The following RXRA variants were observed in gnomAD, a reference collection of about 807,000 sequenced individuals.
RXRA encodes retinoid X receptor alpha.
In RXRA, 5 loss-of-function variants were observed where a neutral mutation model predicts 44.5. The observed-to-expected ratio is 0.11, with a 90% CI of 0.06 to 0.24. RXRA has a LOEUF of 0.24. Among genes scored for constraint, RXRA ranks in the 10% least tolerant of loss-of-function variants. The probability of loss-of-function intolerance (pLI) is 1.00; values close to 1 mark genes in which losing one functional copy is unlikely to be tolerated. For missense variants in RXRA, 412 were observed against 646.5 expected (o/e 0.64, Z 3.93); for synonymous variants, 291 against 271.4 (o/e 1.07, Z -0.71).
At chr9:134,347,328 C>A (rs1830164956) in intron 1 of RXRA, among the ~76,000 whole-genome samples, 1 of 152,210 alleles carries the variant, frequency 6.6e-6, no homozygotes, top group African/African-American at 2.4e-5. Context: ...GATGACGCGC[C>A]CTGCCGCGGT....
intron 1 of RXRA, among the ~76,000 whole-genome samples, chr9:134,338,101 GC>G (rs1830034530): frequency 6.6e-6 from 1 of 152,196 alleles, no homozygotes; most frequent in Admixed American, 6.5e-5. Context: ...CTCAGGAAGG[GC>G]ATGGAGGGAA....
At chr9:134,396,102 AAGGGG>A (rs1220830239) in intron 1 of RXRA, among the ~76,000 whole-genome samples, 13 of 152,288 alleles carry the variant, frequency 8.5e-5, no homozygotes, top group Admixed American at 1.3e-4. Context: ...CATTTTACAG[AAGGGG>A]AGACTGAGGC....
intron 6 of RXRA, chr9:134,422,239 G>A: frequency 2.4e-6 from 3 of 1,260,072 alleles, no homozygotes; most frequent in Non-Finnish European, 3.1e-6. Context: ...CCCCACTCCT[G>A]GGATGCTCCC....
At chr9:134,399,155 C>T (rs188555825) in intron 1 of RXRA, among the ~76,000 whole-genome samples, 1 of 152,358 alleles carries the variant, frequency 6.6e-6, no homozygotes, top group Admixed American at 6.5e-5. Flanking sequence ...GCTCAGGTTT[C>T]CTCCGGCAGG....
chr9:134,386,315 A>G (rs1830719631), intron 1 of RXRA, among the ~76,000 whole-genome samples: 1 of 152,210 alleles, frequency 6.6e-6, no homozygotes, highest in Non-Finnish European at 1.5e-5. Context: ...TGCCCTCGCC[A>G]TGAGGCTGCA....
intron 1 of RXRA, among the ~76,000 whole-genome samples, chr9:134,391,520 C>A (rs1401688071): frequency 2.0e-5 from 3 of 152,234 alleles, no homozygotes; most frequent in Non-Finnish European, 4.4e-5. Flanking sequence ...GTGGGGCAGG[C>A]GGGGTTTCTC....
At chr9:134,383,884 G>A (rs1438478238) in intron 1 of RXRA, among the ~76,000 whole-genome samples, 1 of 152,144 alleles carries the variant, frequency 6.6e-6, no homozygotes, top group Non-Finnish European at 1.5e-5. Context: ...TTCAGAGGAG[G>A]GAACAAGGGA....
chr9:134,333,368 C>G (rs2119012661), intron 1 of RXRA, among the ~76,000 whole-genome samples: 1 of 152,278 alleles, frequency 6.6e-6, no homozygotes, highest in East Asian at 1.9e-4. Flanking sequence ...TGCCTGGCCT[C>G]CCCGCACCTC....
At chr9:134,408,337 G>A in intron 3 of RXRA, 38 bp downstream of exon 3, 1 of 1,570,678 alleles carries the variant, frequency 6.4e-7, no homozygotes, top group African/African-American at 1.4e-5. Context: ...GGTGGGACAG[G>A]GTTGTCAGGC....
At position 134,365,005 on chromosome 9, in the gene RXRA, G is replaced by A. The variant is rs1395166993; in HGVS notation, c.29-36627G>A. ...TACTTATGAGGAGGCTGATGCTAGAGAGGGGTGTGCCCTGTCCCGGTTGCC... is the reference window on the plus strand; with the variant it reads ...TACTTATGAGGAGGCTGATGCTAGAAAGGGGTGTGCCCTGTCCCGGTTGCC... On this transcript the variant is annotated intron_variant, in intron 1 of 9. Coordinates refer to ENST00000481739, the MANE Select transcript of RXRA (RefSeq NM_002957.6). The surrounding 1 kb of genome is among the most constrained non-coding windows in gnomAD (Gnocchi z 4.0). 1.3e-5 allele frequency among the ~76,000 whole-genome samples: 2 copies of A among 152,250 alleles called. No homozygotes were observed. Among genetic ancestry groups the A allele is most frequent in the Admixed American group, 6.5e-5 (1 of 15,286 alleles).
intron 1 of RXRA, among the ~76,000 whole-genome samples, chr9:134,387,807 C>T (rs1469024184): frequency 6.6e-6 from 1 of 152,234 alleles, no homozygotes; most frequent in Non-Finnish European, 1.5e-5. Flanking sequence ...CTGGGCTCAG[C>T]TTCTCCCCTT....
At chr9:134,423,307 C>G in intron 6 of RXRA, 1 of 985,478 alleles carries the variant, frequency 1.0e-6, no homozygotes, top group Non-Finnish European at 1.2e-6. Flanking sequence ...AGAAGCCAAG[C>G]TCCCTTAGGG....
chr9:134,395,317 T>G (rs977278787), intron 1 of RXRA, among the ~76,000 whole-genome samples: 2 of 152,252 alleles, frequency 1.3e-5, no homozygotes, highest in African/African-American at 4.8e-5. Context: ...CGCTGCTTCC[T>G]TCTCACCCTT....
At chr9:134,387,648 C>T (rs563409728) in intron 1 of RXRA, among the ~76,000 whole-genome samples, 1 of 152,346 alleles carries the variant, frequency 6.6e-6, no homozygotes, top group Admixed American at 6.5e-5. Flanking sequence ...AGTCCTTGAC[C>T]AGGACCACCT....
intron 1 of RXRA, among the ~76,000 whole-genome samples, chr9:134,401,115 C>T (rs1225871484): frequency 6.6e-6 from 1 of 152,234 alleles, no homozygotes; most frequent in Non-Finnish European, 1.5e-5. Context: ...GTGCTCACTG[C>T]TGACCTCCCA....
intron 3 of RXRA, among the ~76,000 whole-genome samples, chr9:134,408,543 A>G (rs528580859): frequency 6.6e-6 from 1 of 152,250 alleles, no homozygotes; most frequent in South Asian, 2.1e-4. Flanking sequence ...GCTTCCGGAG[A>G]GGAGGTGGCT....
At chr9:134,332,380 G>C (rs1554746782) in intron 1 of RXRA, among the ~76,000 whole-genome samples, 2 of 152,224 alleles carry the variant, frequency 1.3e-5, no homozygotes, top group African/African-American at 2.4e-5. Context: ...CATGCATGCA[G>C]GCGTCCGCCG....
At chr9:134,430,042 C>T (rs866431031) in intron 7 of RXRA, among the ~76,000 whole-genome samples, 8 of 152,346 alleles carry the variant, frequency 5.3e-5, no homozygotes, top group Admixed American at 1.3e-4. Context: ...CCCGCCACCA[C>T]GCCCGGCTAT....
intron 1 of RXRA, among the ~76,000 whole-genome samples, chr9:134,339,293 C>G (rs1241492921): frequency 6.6e-6 from 1 of 152,276 alleles, no homozygotes; most frequent in Non-Finnish European, 1.5e-5. Context: ...GTCGTCCTCC[C>G]CAGACCCTCC....
Sources: gnomAD v4.1 joint callset for allele counts (sites outside exome capture counted in the v4.1 genomes callset) on GRCh38, gnomAD v4.1.1 for gene constraint, Gnocchi (gnomAD v3.1) non-coding constraint, MANE v1.5 for transcripts, NCBI Gene and HGNC (gene_info 2026-07-23, HGNC 2026-07-21) for gene names.